The following GUCY1A1 variants were observed in gnomAD, a reference collection of about 807,000 sequenced individuals.
GUCY1A1 encodes guanylate cyclase soluble subunit alpha-1.
In GUCY1A1, 48 loss-of-function variants were observed where a neutral mutation model predicts 64.5. That is an observed-to-expected ratio of 0.74 (90% CI 0.59 to 0.95). The LOEUF (loss-of-function observed/expected upper bound fraction) is 0.95. GUCY1A1 is among the 40% of genes least tolerant of loss of function. The pLI, the probability that GUCY1A1 is intolerant of heterozygous loss-of-function variation, is 0.00. For missense variants in GUCY1A1, 804 were observed against 825.3 expected (o/e 0.97, Z 0.32); for synonymous variants, 308 against 303.4 (o/e 1.02, Z -0.16).
chr4:155,675,808 T>A (rs1560910186), intron 2 of GUCY1A1, among the ~76,000 whole-genome samples: 1 of 151,596 alleles, frequency 6.6e-6, no homozygotes, highest in African/African-American at 2.4e-5. Context: ...CTCTTCTCTC[T>A]CTCCTCCTCT....
At chr4:155,697,240 A>C (rs1730540637) in intron 3 of GUCY1A1, 118 bp downstream of exon 3, 1 of 752,326 alleles carries the variant, frequency 1.3e-6, no homozygotes, top group Non-Finnish European at 2.2e-6. Flanking sequence ...TAAATGTAGA[A>C]TATTTTCTTG....
At chr4:155,706,193 A>T (rs1240416815) in intron 4 of GUCY1A1, among the ~76,000 whole-genome samples, 1 of 152,234 alleles carries the variant, frequency 6.6e-6, no homozygotes, top group Non-Finnish European at 1.5e-5. Context: ...AATATAAAAA[A>T]AAGAAATCTG....
intron 3 of GUCY1A1, among the ~76,000 whole-genome samples, chr4:155,699,495 C>T (rs1177390184): frequency 6.6e-6 from 1 of 152,146 alleles, no homozygotes; most frequent in East Asian, 1.9e-4. Context: ...TAAGATTTGA[C>T]TACAGTGTCA....
At chr4:155,674,954 G>A (rs1166240827) in intron 2 of GUCY1A1, among the ~76,000 whole-genome samples, 1 of 151,546 alleles carries the variant, frequency 6.6e-6, no homozygotes, top group African/African-American at 2.5e-5. Flanking sequence ...AGGTTTGCCT[G>A]CACGAACATC....
intron 2 of GUCY1A1, among the ~76,000 whole-genome samples, chr4:155,694,854 C>G (rs759896613): frequency 2.0e-5 from 3 of 152,088 alleles, no homozygotes; most frequent in Non-Finnish European, 2.9e-5. Flanking sequence ...GTAGTAAAGA[C>G]TAAGAAACAA....
rs748895371 is a variant in GUCY1A1 at position 155,711,020 on chromosome 4, A to G, written c.855A>G (p.Thr285=). 1.2e-6 allele frequency: 2 copies of G among 1,614,026 alleles called. No homozygotes were observed. The change falls in exon 6 of 10, where the codon ACA becomes ACG. Residue 285 remains threonine, a synonymous_variant. Coordinates refer to ENST00000506455, the MANE Select transcript of GUCY1A1 (RefSeq NM_001130682.3). The part of the protein sequence containing the change: ...LVIPTSLFCK[T]FPFHFMFDKD... ...TTCCCACATCGCTATTCTGCAAGAC[A>G]TTTCCATTCCATTTCATGTTTGACA...
chr4:155,690,964 A>G (rs180994931), intron 2 of GUCY1A1, among the ~76,000 whole-genome samples: 1 of 152,374 alleles, frequency 6.6e-6, no homozygotes, highest in East Asian at 1.9e-4. Context: ...TGAATGATGT[A>G]GAAGACAATC....
intron 8 of GUCY1A1, among the ~76,000 whole-genome samples, chr4:155,721,223 C>T (rs756600797): frequency 9.9e-5 from 15 of 151,960 alleles, no homozygotes; most frequent in Admixed American, 2.6e-4. Context: ...ATGATGGTAC[C>T]GCTGCACTAC....
intron 3 of GUCY1A1, among the ~76,000 whole-genome samples, chr4:155,698,052 T>C (rs13143871): frequency 0.25 from 37,915 of 152,088 alleles, 4,796 homozygotes; most frequent in Middle Eastern, 0.3. Flanking sequence ...CAAAGAAACA[T>C]GGACTGGCTG....
chr4:155,672,136 T>C (rs1436910343), intron 2 of GUCY1A1, among the ~76,000 whole-genome samples: 1 of 152,188 alleles, frequency 6.6e-6, no homozygotes, highest in East Asian at 1.9e-4. Context: ...TTGGGACTTT[T>C]ACAAATACTT....
At chr4:155,723,043 T>G (rs1479481553) in intron 9 of GUCY1A1, among the ~76,000 whole-genome samples, 2 of 152,130 alleles carry the variant, frequency 1.3e-5, no homozygotes, top group African/African-American at 4.8e-5. Flanking sequence ...CAACCTTCTA[T>G]CCACAAGATT....
At chr4:155,698,441 C>T (rs189496415) in intron 3 of GUCY1A1, among the ~76,000 whole-genome samples, 22 of 152,264 alleles carry the variant, frequency 1.4e-4, no homozygotes, top group Non-Finnish European at 2.9e-4. Flanking sequence ...GGGAAACAAT[C>T]GGTGCTCTCA....
chr4:155,687,172 A>G (rs10517619), intron 2 of GUCY1A1, among the ~76,000 whole-genome samples: 15,758 of 152,170 alleles, frequency 0.1, 2,692 homozygotes, highest in African/African-American at 0.36. Context: ...TGTCAGCACA[A>G]TTTTCTTGTA....
intron 9 of GUCY1A1, among the ~76,000 whole-genome samples, chr4:155,727,391 T>C (rs1054330474): frequency 6.6e-6 from 1 of 152,018 alleles, no homozygotes; most frequent in African/African-American, 2.4e-5. Flanking sequence ...AGACATGCCT[T>C]AGAGTCCCAC....
intron 2 of GUCY1A1, among the ~76,000 whole-genome samples, chr4:155,692,050 G>C (rs1008233474): frequency 6.6e-6 from 1 of 152,094 alleles, no homozygotes; most frequent in Non-Finnish European, 1.5e-5. Flanking sequence ...GCGGTGTTTG[G>C]TTTTCTGTTC....
chr4:155,682,613 A>C (rs549600056), intron 2 of GUCY1A1, among the ~76,000 whole-genome samples: 1 of 151,958 alleles, frequency 6.6e-6, no homozygotes, highest in Non-Finnish European at 1.5e-5. Context: ...TGGAGGTTGC[A>C]GTGAGCCGAG....
chr4:155,680,665 TTAAAA>T (rs1279928559), intron 2 of GUCY1A1, among the ~76,000 whole-genome samples: 7 of 152,088 alleles, frequency 4.6e-5, no homozygotes, highest in African/African-American at 1.2e-4. Flanking sequence ...TACTGTATTC[TTAAAA>T]TAAAGTAAGC....
chr4:155,688,859 G>A (rs1397662457), intron 2 of GUCY1A1, among the ~76,000 whole-genome samples: 1 of 152,030 alleles, frequency 6.6e-6, no homozygotes, highest in African/African-American at 2.4e-5. Context: ...GAATTCTAAT[G>A]AATACTGCAC....
rs1560983504 is a variant in GUCY1A1, at chr4:155,736,015, T to G, written c.*5784T>G. 6.6e-6 allele frequency: 1 copy of G among 151,942 alleles called. No homozygotes were observed. The highest frequency in any genetic ancestry group is 1.5e-5 in the Non-Finnish European group (1 of 67,938). 9.4% of individuals were successfully genotyped at this position (151,942 alleles called of 1,614,324 possible). A position where few individuals can be genotyped will look rare whatever the true frequency, so the allele number is the denominator to read the frequency against. Reference sequence around the variant, plus strand: ...TGAAAATGTATTAGTATTTGAGAATTTACTATTCCTTCACCTCCTTGCACA... The same window carrying G: ...TGAAAATGTATTAGTATTTGAGAATGTACTATTCCTTCACCTCCTTGCACA... On this transcript the variant is annotated 3_prime_UTR_variant, in exon 10 of 10. Coordinates refer to ENST00000506455, the MANE Select transcript of GUCY1A1 (RefSeq NM_001130682.3).
Sources: allele counts gnomAD v4.1 joint callset (sites outside exome capture counted in the v4.1 genomes callset), GRCh38; gene constraint gnomAD v4.1.1; transcripts MANE v1.5; gene names NCBI Gene and HGNC (gene_info 2026-07-23, HGNC 2026-07-21).